The following SPOCD1 variants were observed in gnomAD, a reference collection of about 807,000 sequenced individuals.
SPOCD1 encodes SPOC domain containing 1.
Under a neutral mutation model 92.2 loss-of-function variants are expected in SPOCD1, and 64 were observed. The ratio of observed to expected loss-of-function variants is 0.69; its 90% CI spans 0.57 to 0.86. SPOCD1 has a LOEUF of 0.86. Among genes scored for constraint, SPOCD1 ranks in the 40% least tolerant of loss-of-function variants. SPOCD1 has a pLI of 0.00. For synonymous variants in SPOCD1, 578 were observed against 619.3 expected (o/e 0.93, Z 0.99); for missense variants, 1,360 against 1,543.1 (o/e 0.88, Z 1.99).
intron 3 of SPOCD1, among the ~76,000 whole-genome samples, 185 bp from the exon 4 acceptor site, chr1:31,800,802 A>G (rs1187756827): frequency 2.6e-5 from 4 of 152,148 alleles, no homozygotes; most frequent in Non-Finnish European, 5.9e-5. Context: ...CCTGGCACAT[A>G]GTGTTCAGTG....
chr1:31,803,495 G>A (rs911954012), intron 2 of SPOCD1, among the ~76,000 whole-genome samples: 30 of 151,844 alleles, frequency 2.0e-4, no homozygotes, highest in African/African-American at 7.0e-4. Flanking sequence ...CACTTTGGGA[G>A]GCCGAGACAG....
At chr1:31,799,664 C>G in intron 6 of SPOCD1, 145 bp downstream of exon 6, 1 of 1,181,198 alleles carries the variant, frequency 8.5e-7, no homozygotes, top group Non-Finnish European at 1.2e-6. Flanking sequence ...CCCCTTCCCC[C>G]ACCCCTTTGG....
intron 13 of SPOCD1, among the ~76,000 whole-genome samples, 157 bp from the exon 14 acceptor site, chr1:31,792,924 T>C (rs1034411745): frequency 1.3e-5 from 2 of 152,142 alleles, no homozygotes; most frequent in Admixed American, 6.5e-5. Context: ...AATTGCCCCA[T>C]GGAGGTCTGC....
chr1:31,814,979 G>A lies in SPOCD1; in HGVS notation c.355C>T (p.Leu119Phe), dbSNP rs748342646. The change falls in exon 2 of 16, where the codon CTC becomes TTC. Residue 119 changes from leucine to phenylalanine, a missense_variant. By Grantham distance (22) the Leu-to-Phe change is conservative. This residue lies in a region of SPOCD1 where 140 missense variants were observed against 183.8 expected (regional missense o/e 0.76). Coordinates refer to ENST00000360482, the MANE Select transcript of SPOCD1 (RefSeq NM_144569.7). The surrounding 1 kb of genome is among the most constrained non-coding windows in gnomAD (Gnocchi z 4.2). Reference sequence around the variant, plus strand: ...AAGATGTCACACAGAGAAACCTGGAGCCTCTTGGAGGTCAGAGCTCTCCCC... The same window carrying A: ...AAGATGTCACACAGAGAAACCTGGAACCTCTTGGAGGTCAGAGCTCTCCCC... ...TQGRALTSKR[L>F]QVSLCDILDD... is the part of the protein sequence containing the mutation. The A allele has an allele frequency of 6.2e-7, 1 of 1,613,962 alleles. No homozygotes were observed. Among genetic ancestry groups the A allele is most frequent in the South Asian group, 1.1e-5 (1 of 91,090 alleles).
In SPOCD1 at chr1:31,798,553, G is replaced by A; in HGVS notation, c.1917C>T (p.Gly639=). Residue 639 remains glycine (G), a synonymous_variant, in exon 8 of 16, where the codon GGC becomes GGT. Transcript: ENST00000360482. This position sits in a 1 kb window ranked among gnomAD's most constrained non-coding sequence, Gnocchi z 4.1. ...GGGCTGCCTCAATGCCAGCAGCAAT[G>A]CCCTCCACCACCTCCTCACTCAGCA... ...DPVLSEEVVE[G]IAAGIEAALW... 6.2e-7 allele frequency: 1 copy of A among 1,613,716 alleles called. No homozygotes were observed. Among genetic ancestry groups the A allele is most frequent in the Non-Finnish European group, 8.5e-7 (1 of 1,179,986 alleles).
At chr1:31,812,631 G>A (rs917090843) in intron 2 of SPOCD1, among the ~76,000 whole-genome samples, 1 of 152,208 alleles carries the variant, frequency 6.6e-6, no homozygotes, top group Non-Finnish European at 1.5e-5. Flanking sequence ...TCAGTGTTCA[G>A]ATCAGTGAAA....
At position 31,793,838 on chromosome 1, in the gene SPOCD1, T is replaced by C. The variant is rs1286519513; in HGVS notation, c.2443A>G (p.Asn815Asp). 3 of 1,614,094 alleles carry C rather than the reference T, an allele frequency of 1.9e-6. No individual in the cohort carries two copies. The highest frequency in any genetic ancestry group is 2.7e-5 in the African/African-American group (2 of 74,938). The change falls in exon 12 of 16, where the codon AAT (asparagine) becomes GAT (aspartate). Residue 815 changes from asparagine to aspartate, a missense_variant. Around this residue, in one of 3 missense-constraint regions of SPOCD1, gnomAD observed 614 missense variants for 757.8 expected, o/e 0.81. Transcript: ENST00000360482. The stretch of plus-strand genomic sequence containing the variant: ...TGGCTTAGGGCTTTCTGGAAGATAT[T>C]GTCCCCGCAGCTCTTGGCGGCTTCG... ...SFEAAKSCGD[N>D]IFQKALSQTP...
rs1264459259 is a variant in SPOCD1 at position 31,813,987 on chromosome 1, C to A, written c.1347G>T (p.Arg449Ser). ...DRSSDNSHQD[R>S]PEEPSPGGCP... is the part of the protein sequence containing the mutation. ...AGCCTCCTGGGCTGGGTTCCTCTGG[C>A]CTGTCCTGGTGGGAGTTGTCTGAGC... Residue 449 changes from arginine to serine, a missense_variant, in exon 2 of 16, where the codon AGG (arginine) becomes AGT (serine). This residue lies in a region of SPOCD1 where 606 missense variants were observed against 601.5 expected (regional missense o/e 1.01). Transcript: ENST00000360482. 6.3e-7 allele frequency: 1 copy of A among 1,586,496 alleles called. No individual in the cohort carries two copies. Among genetic ancestry groups the A allele is most frequent in the Non-Finnish European group, 8.6e-7 (1 of 1,162,618 alleles).
chr1:31,803,556 G>C (rs1648600206), intron 2 of SPOCD1, among the ~76,000 whole-genome samples: 1 of 142,328 alleles, frequency 7.0e-6, no homozygotes, highest in African/African-American at 2.6e-5. Context: ...AACATAGCGA[G>C]ACCCTGTCTC....
In SPOCD1 at chr1:31,814,533, C is replaced by A. The variant is rs1649421516; in HGVS notation, c.801G>T (p.Gly267=). The part of the protein sequence containing the change: ...RPPSPKDTGS[G]PGEPGGSGAG... ...CCCCACTTCCACCTGGCTCTCCAGG[C>A]CCAGACCCAGTGTCTTTTGGAGAGG... Residue 267 remains glycine (G), a synonymous_variant, in exon 2 of 16, where the codon GGG becomes GGT. Coordinates refer to ENST00000360482, the MANE Select transcript of SPOCD1 (RefSeq NM_144569.7). The surrounding 1 kb of genome is among the most constrained non-coding windows in gnomAD (Gnocchi z 4.2). 6.5e-7 allele frequency: 1 copy of A among 1,534,110 alleles called. No homozygotes were observed. The highest frequency in any genetic ancestry group is 1.3e-5 in the South Asian group (1 of 77,670).
rs146632649 is a variant in SPOCD1, at chr1:31,792,722, T to C, written c.2731A>G (p.Ile911Val). Residue 911 changes from isoleucine to valine, a missense_variant, in exon 14 of 16, where the codon ATT becomes GTT. Transcript: ENST00000360482. ...IRSAGCIPSN[I>V]VWDLLASICP... Reference sequence around the variant, plus strand: ...ATGCTGGCCAGAAGGTCCCAGACAATGTTGGAGGGGATGCAGCCTGCCGAG... The same window carrying C: ...ATGCTGGCCAGAAGGTCCCAGACAACGTTGGAGGGGATGCAGCCTGCCGAG... The C allele has an allele frequency of 1.2e-6, 2 of 1,607,736 alleles. No individual in the cohort carries two copies. Among genetic ancestry groups the C allele is most frequent in the Non-Finnish European group, 1.7e-6 (2 of 1,177,716 alleles).
In SPOCD1 at chr1:31,814,222, G is replaced by A. The variant is rs1649391571; in HGVS notation, c.1112C>T (p.Ala371Val). 1 of 1,580,166 alleles carries A rather than the reference G, an allele frequency of 6.3e-7. No homozygotes were observed. The highest frequency in any genetic ancestry group is 1.1e-5 in the South Asian group (1 of 88,448). ...TCCTTGCTCCAGCCTTCCCCTGGAA[G>A]CTGGCTGAGCCTTGGCCTCCAGCTC... Reference protein sequence around the residue: ...QEELEAKAQPASRGRLEQGLA... With the variant: ...QEELEAKAQPVSRGRLEQGLA... Residue 371 changes from alanine to valine, a missense_variant, in exon 2 of 16, where the codon GCT (alanine) becomes GTT (valine). Transcript: ENST00000360482. This position sits in a 1 kb window ranked among gnomAD's most constrained non-coding sequence, Gnocchi z 4.2.
chr1:31,799,665 A>C (rs1283498168), intron 6 of SPOCD1, 144 bp downstream of exon 6: 32 of 1,140,766 alleles, frequency 2.8e-5, no homozygotes, highest in Non-Finnish European at 3.9e-5. Context: ...CCCTTCCCCC[A>C]CCCCTTTGGG....
rs201141201 is a variant in SPOCD1 at position 31,801,736 on chromosome 1, A to G, written c.1384-31T>C. On this transcript the variant is annotated intron_variant, in intron 2 of 15. Transcript: ENST00000360482. ...AGAGAAAGAGGATGCAGAGATTAGA[A>G]TCCAGAGGACCCAGCCACCCCATGG... 446 of 1,597,604 alleles carry G rather than the reference A, an allele frequency of 2.8e-4. 1 individual carries two copies. In the African/African-American group the frequency reaches 5.4e-3, roughly 19 times the overall value.
At position 31,800,539 on chromosome 1, in the gene SPOCD1, C is replaced by T. The variant is rs1231203671; in HGVS notation, c.1504G>A (p.Glu502Lys). Residue 502 changes from glutamate to lysine, a missense_variant, in exon 4 of 16, where the codon GAG becomes AAG. This residue lies in a region of SPOCD1 where 606 missense variants were observed against 601.5 expected (regional missense o/e 1.01). Transcript: ENST00000360482. Reference protein sequence around the residue: ...QAGGQLPPKLEVLEDLMEVSS... With the variant: ...QAGGQLPPKLKVLEDLMEVSS... ...ACCTCCATCAAGTCCTCTAGAACCTCCAGCTTTGGTGGCAGCTGCCCCCCT... is the reference window on the plus strand; with the variant it reads ...ACCTCCATCAAGTCCTCTAGAACCTTCAGCTTTGGTGGCAGCTGCCCCCCT... The T allele has an allele frequency of 3.1e-6, 5 of 1,612,204 alleles. No homozygotes were observed. The highest frequency in any genetic ancestry group is 4.2e-6 in the Non-Finnish European group (5 of 1,179,402).
At chr1:31,815,520 A>G (rs912018294) in intron 1 of SPOCD1, 148 bp from the exon 2 acceptor site, 1 of 493,894 alleles carries the variant, frequency 2.0e-6, no homozygotes, top group Non-Finnish European at 3.4e-6. Context: ...CAGGGAGGGG[A>G]GCACCCAGCA....
chr1:31,814,437 G>T lies in SPOCD1; in HGVS notation c.897C>A (p.Ser299Arg). Residue 299 changes from serine to arginine, a missense_variant, in exon 2 of 16, where the codon AGC becomes AGA. Physicochemically the swap from Ser to Arg is moderately radical, Grantham distance 110. Coordinates refer to ENST00000360482, the MANE Select transcript of SPOCD1 (RefSeq NM_144569.7). The surrounding 1 kb of genome is among the most constrained non-coding windows in gnomAD (Gnocchi z 4.2). ...PATGDGPQPG[S>R]PCGPVGFPVP... is the part of the protein sequence containing the mutation. ...CTGGGAACCCGACAGGGCCACAGGG[G>T]CTGCCTGGCTGGGGCCCATCCCCTG... 1 of 1,606,296 alleles carries T rather than the reference G, an allele frequency of 6.2e-7. No homozygotes were observed.
chr1:31,793,396 G>T lies in SPOCD1; in HGVS notation c.2567C>A (p.Ala856Glu), dbSNP rs747078849. ...VPPSGLHVPA[A>E]PTKALPCLPP... The stretch of plus-strand genomic sequence containing the variant: ...CAGGCAGGGCAGGGCCTTTGTGGGT[G>T]CAGCAGGCACATGGAGCCCAGATGG... The change falls in exon 13 of 16, where the codon GCA becomes GAA. Residue 856 changes from alanine (A) to glutamate (E), a missense_variant. Physicochemically the swap from Ala to Glu is moderately radical, Grantham distance 107. Coordinates refer to ENST00000360482, the MANE Select transcript of SPOCD1 (RefSeq NM_144569.7). The T allele has an allele frequency of 2.5e-6, 4 of 1,593,106 alleles. No individual in the cohort carries two copies. The highest frequency in any genetic ancestry group is 1.8e-5 in the Admixed American group (1 of 56,738).
rs369922987 is a variant in SPOCD1, at chr1:31,793,305, G to C, written c.2658C>G (p.Val886=). 1 of 1,593,700 alleles carries C rather than the reference G, an allele frequency of 6.3e-7. No individual in the cohort carries two copies. The highest frequency in any genetic ancestry group is 8.5e-7 in the Non-Finnish European group (1 of 1,170,186). Residue 886 remains valine, a synonymous_variant, in exon 13 of 16, where the codon GTC becomes GTG. Transcript: ENST00000360482. The stretch of plus-strand genomic sequence containing the variant: ...GGACAAGCCGACAGCTGTGTCCCGA[G>C]ACCAGCTGGGCCCTGGCCCGGAACC... ...IKRFRARAQL[V]SGHSCRLVQA...
Sources: gnomAD v4.1 joint callset for allele counts (sites outside exome capture counted in the v4.1 genomes callset) on GRCh38, gnomAD v4.1.1 for gene constraint, gnomAD v4.1.1 regional missense constraint, Gnocchi (gnomAD v3.1) non-coding constraint, MANE v1.5 for transcripts, NCBI Gene and HGNC (gene_info 2026-07-23, HGNC 2026-07-21) for gene names.